Variants in MCOLN2 observed in about 807,000 individuals in gnomAD.
MCOLN2 encodes the protein mucolipin-2.
In MCOLN2, 57 loss-of-function variants were observed where a neutral mutation model predicts 67.5. The observed-to-expected ratio is 0.84, with a 90% CI of 0.68 to 1.05. MCOLN2 has a LOEUF of 1.05. MCOLN2 is among the 50% of genes least tolerant of loss of function. The pLI is 0.00. For synonymous variants in MCOLN2, 246 were observed against 233.3 expected (o/e 1.05, Z -0.50); for missense variants, 620 against 678.8 (o/e 0.91, Z 0.96).
At chr1:84,970,275 A>G (rs1400095143) in intron 1 of MCOLN2, among the ~76,000 whole-genome samples, 1 of 142,944 alleles carries the variant, frequency 7.0e-6, no homozygotes, top group Non-Finnish European at 1.5e-5. Flanking sequence ...CCACCCCCCA[A>G]CACACACACA....
chr1:84,948,464 TAAAATTG>T (rs1557640654), intron 6 of MCOLN2, among the ~76,000 whole-genome samples: 1 of 152,034 alleles, frequency 6.6e-6, no homozygotes, highest in Non-Finnish European at 1.5e-5. Context: ...AGCTATTCCA[TAAAATTG>T]GAAAAAGCAA....
rs559710348 is a variant in MCOLN2, at chr1:84,979,680, T to C, written c.78-13972A>G. On this transcript the variant is annotated intron_variant, in intron 1 of 13. Transcript: ENST00000370608. ...GATATAGAAGGAATATACCTCAACA[T>C]AATAAGAACCATATACAGCATACCC... Among the ~76,000 whole-genome samples the C allele has an allele frequency of 3.3e-3, 505 of 152,254 alleles. 3 individuals carry two copies. The highest frequency in any genetic ancestry group is 5.8e-3 in the Non-Finnish European group (396 of 68,012).
chr1:84,979,774 A>T (rs1650166211), intron 1 of MCOLN2, among the ~76,000 whole-genome samples: 3 of 152,212 alleles, frequency 2.0e-5, no homozygotes, highest in Admixed American at 2.0e-4. Context: ...CACAACAAAG[A>T]TGCCTACTGT....
chr1:84,988,731 G>T (rs6576737), intron 1 of MCOLN2, among the ~76,000 whole-genome samples: 150,704 of 152,254 alleles, frequency 0.99, 74,603 homozygotes, highest in Middle Eastern at 1. Flanking sequence ...CTTCTTTGTT[G>T]AAAACCCTTT....
intron 4 of MCOLN2, among the ~76,000 whole-genome samples, chr1:84,955,750 G>A (rs1387315941): frequency 6.6e-6 from 1 of 152,060 alleles, no homozygotes; most frequent in Non-Finnish European, 1.5e-5. Flanking sequence ...GGGGAAATTG[G>A]CAACTTCAAG....
chr1:84,971,605 A>G (rs978074347), intron 1 of MCOLN2, among the ~76,000 whole-genome samples: 1 of 152,184 alleles, frequency 6.6e-6, no homozygotes, highest in Non-Finnish European at 1.5e-5. Flanking sequence ...GTAAAGAGGG[A>G]AAAAAATTTT....
intron 2 of MCOLN2, among the ~76,000 whole-genome samples, chr1:84,963,055 G>A (rs992094586): frequency 1.3e-5 from 2 of 152,192 alleles, no homozygotes; most frequent in African/African-American, 4.8e-5. Context: ...GAAACAGTCT[G>A]AGAAGAGTAC....
At chr1:84,950,811 C>T (rs1232039061) in intron 6 of MCOLN2, among the ~76,000 whole-genome samples, 1 of 152,144 alleles carries the variant, frequency 6.6e-6, no homozygotes, top group Non-Finnish European at 1.5e-5. Flanking sequence ...CCATACCATC[C>T]TCATTTCTAT....
Position 84,952,672 on chromosome 1 carries a change from A to G in MCOLN2, c.566-142T>C, listed in dbSNP as rs1392287176. On this transcript the variant is annotated intron_variant, in intron 4 of 13. Transcript: ENST00000370608. ...GAAAATACTTAGCAATTATTCAGGA[A>G]AAATGATAGTAACCTCACAGACACC... The G allele has an allele frequency of 6.4e-6, 4 of 622,138 alleles. No individual in the cohort carries two copies. In the East Asian group the frequency reaches 1.1e-4, roughly 17 times the overall value. 38.5% of individuals were successfully genotyped at this position (622,138 alleles called of 1,614,324 possible). A position where few individuals can be genotyped will look rare whatever the true frequency, so the allele number is the denominator to read the frequency against.
chr1:84,995,313 C>A (rs1651090176), intron 1 of MCOLN2, among the ~76,000 whole-genome samples: 1 of 152,126 alleles, frequency 6.6e-6, no homozygotes, highest in Non-Finnish European at 1.5e-5. Flanking sequence ...TTGCCACAAA[C>A]CTTCAATTTG....
At chr1:84,984,471 C>T (rs1397916866) in intron 1 of MCOLN2, among the ~76,000 whole-genome samples, 1 of 152,240 alleles carries the variant, frequency 6.6e-6, no homozygotes, top group Non-Finnish European at 1.5e-5. Flanking sequence ...TTTGGGAACT[C>T]CTTCACCACC....
rs1378116227 is a variant in MCOLN2 at position 84,996,990 on chromosome 1, G to C, written c.-118C>G. 3 of 882,812 alleles carry C rather than the reference G, an allele frequency of 3.4e-6. No homozygotes were observed. Among genetic ancestry groups the C allele is most frequent in the African/African-American group, 1.7e-5 (1 of 59,820 alleles). 54.7% of individuals were successfully genotyped at this position (882,812 alleles called of 1,614,324 possible). A position where few individuals can be genotyped will look rare whatever the true frequency, so the allele number is the denominator to read the frequency against. On this transcript the variant is annotated 5_prime_UTR_variant, in exon 1 of 14. Coordinates refer to ENST00000370608, the MANE Select transcript of MCOLN2 (RefSeq NM_153259.4). The stretch of plus-strand genomic sequence containing the variant: ...CGCCGAAGTTGGAGCCCTGCAAAGC[G>C]GGGTTCCCTTCTCTTACCCTTTCTG...
At chr1:84,995,806 T>TAAAA (rs760666732) in intron 1 of MCOLN2, among the ~76,000 whole-genome samples, 9,692 of 150,398 alleles carry the variant, frequency 0.064, 311 homozygotes, top group Middle Eastern at 0.097. Context: ...TCTATTTTTT[T>TAAAA]AAAAAAAAAC....
intron 1 of MCOLN2, among the ~76,000 whole-genome samples, chr1:84,977,939 A>C (rs1034729934): frequency 2.6e-5 from 4 of 152,332 alleles, no homozygotes; most frequent in Non-Finnish European, 2.9e-5. Flanking sequence ...CAGAATACAC[A>C]TTCTTTTCCT....
At chr1:84,979,032 T>C (rs1382276035) in intron 1 of MCOLN2, among the ~76,000 whole-genome samples, 3 of 152,080 alleles carry the variant, frequency 2.0e-5, no homozygotes, top group African/African-American at 4.8e-5. Flanking sequence ...TCTTTTCACA[T>C]TTTTCTGCCT....
At chr1:84,968,221 T>C (rs1649478164) in intron 1 of MCOLN2, among the ~76,000 whole-genome samples, 1 of 152,168 alleles carries the variant, frequency 6.6e-6, no homozygotes, top group Non-Finnish European at 1.5e-5. Flanking sequence ...AGACCCATCC[T>C]GATAAAGAAT....
chr1:84,936,527 A>AT (rs910851710), intron 11 of MCOLN2, among the ~76,000 whole-genome samples: 12 of 152,144 alleles, frequency 7.9e-5, no homozygotes, highest in Admixed American at 5.2e-4. Context: ...TCAAAGAATA[A>AT]TTTTTTCTCA....
At chr1:84,958,336 T>C (rs1648899899) in intron 3 of MCOLN2, among the ~76,000 whole-genome samples, 193 bp downstream of exon 3, 1 of 152,240 alleles carries the variant, frequency 6.6e-6, no homozygotes, top group Non-Finnish European at 1.5e-5. Context: ...ATAAATATTT[T>C]TTAAAAAGTC....
In MCOLN2 at chr1:84,960,830, TTCAA is replaced by T. The variant is rs1184527712; in HGVS notation, c.238-2132_238-2129del. On this transcript the variant is annotated intron_variant, in intron 2 of 13. Transcript: ENST00000370608. ...CACACACCACACATGAATGAAGTTCTTCAATCAAAGTTTGCTGAGTGCTTACTCT... is the reference window on the plus strand; with the variant it reads ...CACACACCACACATGAATGAAGTTCTTCAAAGTTTGCTGAGTGCTTACTCT... Among the ~76,000 whole-genome samples, 8 of 152,318 alleles carry T rather than the reference TTCAA, an allele frequency of 5.3e-5. No homozygotes were observed. The Middle Eastern group carries it at 0.01, about 194-fold the overall frequency.
Sources: gnomAD v4.1 joint callset for allele counts (sites outside exome capture counted in the v4.1 genomes callset) on GRCh38, gnomAD v4.1.1 for gene constraint, MANE v1.5 for transcripts, NCBI Gene and HGNC (gene_info 2026-07-23, HGNC 2026-07-21) for gene names.